MLLT1: variants seen among roughly 807,000 people sequenced by gnomAD.
MLLT1 encodes the protein MLLT1 super elongation complex subunit.
In MLLT1, 11 loss-of-function variants were observed where a neutral mutation model predicts 55.1. The observed-to-expected ratio is 0.20, with a 90% CI of 0.13 to 0.33. MLLT1 has a LOEUF of 0.33. Ranked by LOEUF, MLLT1 falls within the 10% of genes least tolerant of loss-of-function variation. The pLI is 1.00. For missense variants in MLLT1, 536 were observed against 760.6 expected (o/e 0.70, Z 3.47); for synonymous variants, 323 against 320.1 (o/e 1.01, Z -0.10).
At chr19:6,233,080 C>T (rs1040180516) in intron 3 of MLLT1, among the ~76,000 whole-genome samples, 1 of 152,172 alleles carries the variant, frequency 6.6e-6, no homozygotes, top group African/African-American at 2.4e-5. Context: ...CGCAGGTGTA[C>T]GGCCACACCC....
chr19:6,216,577 C>T (rs1444649442), intron 7 of MLLT1, 64 bp from the exon 8 acceptor site: 3 of 1,242,976 alleles, frequency 2.4e-6, no homozygotes, highest in Non-Finnish European at 2.3e-6. Context: ...CTCCAGGGCC[C>T]CTCGCCCATG....
chr19:6,266,883 TG>T (rs1369715037), intron 2 of MLLT1, among the ~76,000 whole-genome samples: 1 of 152,032 alleles, frequency 6.6e-6, no homozygotes, highest in Non-Finnish European at 1.5e-5. Context: ...CCCAGGGTAG[TG>T]GCTAAAGGGG....
chr19:6,230,517 A>C lies in MLLT1; in HGVS notation c.420+53T>G. 10 of 1,601,704 alleles carry C rather than the reference A, an allele frequency of 6.2e-6. No homozygotes were observed. The highest frequency in any genetic ancestry group is 1.7e-5 in the Admixed American group (1 of 58,538). ...CTGGCTGGGCACAGACGGCCGCAGC[A>C]AAGTAGCCTCGGTGGAGCGGCCCCT... On this transcript the variant is annotated intron_variant, in intron 4 of 11. Coordinates refer to ENST00000252674, the MANE Select transcript of MLLT1 (RefSeq NM_005934.4). The surrounding 1 kb of genome is among the most constrained non-coding windows in gnomAD (Gnocchi z 9.0).
rs577012933 is a variant in MLLT1 at position 6,258,026 on chromosome 19, A to C, written c.276+4202T>G. Among the ~76,000 whole-genome samples the C allele has an allele frequency of 1.7e-4, 26 of 152,330 alleles. No individual in the cohort carries two copies. In the East Asian group the frequency reaches 5.0e-3, roughly 29 times the overall value. On this transcript the variant is annotated intron_variant, in intron 3 of 11. Transcript: ENST00000252674. ...GATCTGGAGAAACAGGAACCCTCAC[A>C]CATTGCTGGTGGACCTATGACAGGA...
intron 3 of MLLT1, among the ~76,000 whole-genome samples, chr19:6,239,165 C>T (rs1220004704): frequency 6.6e-6 from 1 of 152,238 alleles, no homozygotes; most frequent in African/African-American, 2.4e-5. Context: ...GCACTAGGCT[C>T]TCGCGTTCAC....
intron 6 of MLLT1, 152 bp downstream of exon 6, chr19:6,221,969 G>A (rs2090902323): frequency 1.9e-6 from 1 of 528,164 alleles, no homozygotes. Context: ...AGTGAGGCGT[G>A]GAGGCCCCAG....
At chr19:6,214,751 C>T (rs563730291) in intron 8 of MLLT1, among the ~76,000 whole-genome samples, 1 of 152,190 alleles carries the variant, frequency 6.6e-6, no homozygotes, top group African/African-American at 2.4e-5. Context: ...GTGAGAGGGG[C>T]CCCTGACAAC....
intron 3 of MLLT1, among the ~76,000 whole-genome samples, chr19:6,250,847 T>G (rs941316079): frequency 1.3e-5 from 2 of 152,216 alleles, no homozygotes; most frequent in Non-Finnish European, 2.9e-5. Flanking sequence ...ACAGCCTGCA[T>G]GGCCGTCAAT....
At position 6,215,504 on chromosome 19, in the gene MLLT1, G is replaced by A. The variant is rs557945835; in HGVS notation, c.1307+901C>T. ...GTGAGCCACTGCTCCTGCTCTGTCT[G>A]CGGTGGGTGGGAATCCCGCCATGTG... On this transcript the variant is annotated intron_variant, in intron 8 of 11. Transcript: ENST00000252674. Among the ~76,000 whole-genome samples, 13 of 152,324 alleles carry A rather than the reference G, an allele frequency of 8.5e-5. No homozygotes were observed. In the East Asian group the frequency reaches 2.5e-3, roughly 29 times the overall value.
chr19:6,223,386 T>C (rs2090923518), intron 5 of MLLT1, among the ~76,000 whole-genome samples: 1 of 152,208 alleles, frequency 6.6e-6, no homozygotes, highest in Non-Finnish European at 1.5e-5. Flanking sequence ...CCTAGGTCTC[T>C]GCCTCGGAAA....
In MLLT1 at chr19:6,216,528, CAGGG is replaced by C. The variant is rs1321550567; in HGVS notation, c.1199-19_1199-16del. On this transcript the variant is annotated splice_polypyrimidine_tract_variant and intron_variant, in intron 7 of 11. Coordinates refer to ENST00000252674, the MANE Select transcript of MLLT1 (RefSeq NM_005934.4). ...GCGCAGGGGTCCTGGGGAGGCGGGG[CAGGG>C]AGGGAGGGGAGACAAGGGCAGGGCT... 4 of 1,532,374 alleles carry C rather than the reference CAGGG, an allele frequency of 2.6e-6. No individual in the cohort carries two copies. Among genetic ancestry groups the C allele is most frequent in the Non-Finnish European group, 3.6e-6 (4 of 1,125,248 alleles). The allele number at this position is 1,532,374 out of a possible 1,614,324, so 94.9% of individuals were successfully genotyped here.
At chr19:6,249,280 G>A (rs151054526) in intron 3 of MLLT1, among the ~76,000 whole-genome samples, 173 of 151,806 alleles carry the variant, frequency 1.1e-3, no homozygotes, top group African/African-American at 4.0e-3. Flanking sequence ...CTTTTTTAAC[G>A]CGGCTAAAAA....
At chr19:6,220,884 A>G (rs560892435) in intron 6 of MLLT1, among the ~76,000 whole-genome samples, 124 of 152,256 alleles carry the variant, frequency 8.1e-4, no homozygotes, top group Non-Finnish European at 1.0e-3. Context: ...GGACTTCTGG[A>G]AGGTGGCACC....
At chr19:6,278,463 A>T (rs1409515538) in intron 1 of MLLT1, among the ~76,000 whole-genome samples, 1 of 133,254 alleles carries the variant, frequency 7.5e-6, no homozygotes, top group East Asian at 2.0e-4. Flanking sequence ...CCTGGGTTTC[A>T]ACTGAGGCTC....
chr19:6,253,668 G>T (rs971926909), intron 3 of MLLT1, among the ~76,000 whole-genome samples: 7 of 152,072 alleles, frequency 4.6e-5, no homozygotes, highest in African/African-American at 1.7e-4. Context: ...GGCGGCAGGG[G>T]GTTCCTACAT....
chr19:6,243,868 C>G (rs1172232180), intron 3 of MLLT1, among the ~76,000 whole-genome samples: 1 of 151,790 alleles, frequency 6.6e-6, no homozygotes, highest in Non-Finnish European at 1.5e-5. Flanking sequence ...ACGGTGAAAC[C>G]CCCTCTCTAC....
At position 6,239,170 on chromosome 19, in the gene MLLT1, G is replaced by A. The variant is rs555630536; in HGVS notation, c.277-8457C>T. Among the ~76,000 whole-genome samples the A allele has an allele frequency of 1.2e-4, 18 of 152,334 alleles. No homozygotes were observed. In the East Asian group the frequency reaches 1.3e-3, roughly 11 times the overall value. On this transcript the variant is annotated intron_variant, in intron 3 of 11. Transcript: ENST00000252674. ...CAGCTGTAAGGCACTAGGCTCTCGC[G>A]TTCACCGGTCCACGGCATACTGGAA...
Position 6,216,437 on chromosome 19 carries a change from A to G in MLLT1, c.1275T>C (p.Ala425=), listed in dbSNP as rs1452827745. 23 of 1,609,048 alleles carry G rather than the reference A, an allele frequency of 1.4e-5. No homozygotes were observed. Among genetic ancestry groups the G allele is most frequent in the Non-Finnish European group, 2.0e-5 (23 of 1,178,756 alleles). Residue 425 remains alanine, a synonymous_variant, in exon 8 of 12, where the codon GCT becomes GCC. Coordinates refer to ENST00000252674, the MANE Select transcript of MLLT1 (RefSeq NM_005934.4). ...CCCTCCCCGGGTTGGTCTTGCCGGC[A>G]GCCTCCTCGCCTGACGAAGAGTCGT... ...DEDDSSSGEE[A]AGKTNPGRDS... is the part of the protein sequence containing the mutation.
At chr19:6,232,532 T>C (rs2091021611) in intron 3 of MLLT1, among the ~76,000 whole-genome samples, 1 of 152,212 alleles carries the variant, frequency 6.6e-6, no homozygotes, top group Non-Finnish European at 1.5e-5. Flanking sequence ...AGGCAATTGT[T>C]TCTTATAATA....
Sources: gnomAD v4.1 joint callset for allele counts (sites outside exome capture counted in the v4.1 genomes callset) on GRCh38, gnomAD v4.1.1 for gene constraint, Gnocchi (gnomAD v3.1) non-coding constraint, MANE v1.5 for transcripts, NCBI Gene and HGNC (gene_info 2026-07-23, HGNC 2026-07-21) for gene names.